GRIP2: variants seen among roughly 807,000 people sequenced by gnomAD.
GRIP2 encodes the protein glutamate receptor-interacting protein 2.
In GRIP2, 58 loss-of-function variants were observed where a neutral mutation model predicts 108.3. The observed-to-expected ratio is 0.54, with a 90% confidence interval of 0.43 to 0.67. The LOEUF (loss-of-function observed/expected upper bound fraction) is 0.67. Among genes scored for constraint, GRIP2 ranks in the 30% least tolerant of loss-of-function variants. The pLI is 0.00. For synonymous variants in GRIP2, 586 were observed against 598.2 expected, an observed-to-expected ratio of 0.98 and a Z score of 0.30; for missense variants, 1,278 against 1,430.6, an observed-to-expected ratio of 0.89 and a Z score of 1.72.
chr3:14,506,713 A>C, intron 19 of GRIP2, 88 bp downstream of exon 19: 1 of 1,241,010 alleles, frequency 8.1e-7, no homozygotes, highest in Non-Finnish European at 1.1e-6. Flanking sequence ...GGAGGGAGGA[A>C]CAGGCACAAG....
At chr3:14,493,961 A>G (rs1693492235) in intron 23 of GRIP2, 135 bp from the exon 24 acceptor site, 2 of 766,904 alleles carry the variant, frequency 2.6e-6, no homozygotes, top group South Asian at 2.1e-5. Flanking sequence ...CCAGCACCAC[A>G]CACAGAGGAA....
intron 5 of GRIP2, 115 bp from the exon 6 acceptor site, chr3:14,523,190 T>C (rs1694460723): frequency 1.3e-6 from 1 of 752,688 alleles, no homozygotes; most frequent in African/African-American, 1.8e-5. Flanking sequence ...GACCTTGTCC[T>C]TGCTATCCAT....
At chr3:14,494,696 G>T in intron 23 of GRIP2, 147 bp downstream of exon 23, 1 of 922,816 alleles carries the variant, frequency 1.1e-6, no homozygotes, top group Non-Finnish European at 1.5e-6. Context: ...GGCTGAGGGT[G>T]CTGGGGCCCG....
Position 14,540,053 on chromosome 3 carries a change from C to T in GRIP2, c.40+216G>A, listed in dbSNP as rs932915396. Among the ~76,000 whole-genome samples, 11 of 152,096 alleles carry T rather than the reference C, an allele frequency of 7.2e-5. No homozygotes were observed. The highest frequency in any genetic ancestry group is 2.4e-4 in the African/African-American group (10 of 41,426). On this transcript the variant is annotated intron_variant, in intron 1 of 23. Transcript: ENST00000621039. The surrounding 1 kb of genome is among the most constrained non-coding windows in gnomAD (Gnocchi z 4.1). ...TGTTCTGCCTGCCTGTGCTGGACAG[C>T]CCTGGGGGAGGCTCAGCCATCCTGC...
chr3:14,505,039 G>A lies in GRIP2; in HGVS notation c.2573+576C>T, dbSNP rs550848897. On this transcript the variant is annotated intron_variant, in intron 20 of 23. Coordinates refer to ENST00000621039, the MANE Select transcript of GRIP2 (RefSeq NM_001080423.4). This position sits in a 1 kb window ranked among gnomAD's most constrained non-coding sequence, Gnocchi z 4.2. ...AGAAAGACAGGGAAGCTTCCCAGAGGCAGGAGAATTTGAGCTGAGTTTTGA... is the reference window on the plus strand; with the variant it reads ...AGAAAGACAGGGAAGCTTCCCAGAGACAGGAGAATTTGAGCTGAGTTTTGA... Among the ~76,000 whole-genome samples, 3 of 152,314 alleles carry A rather than the reference G, an allele frequency of 2.0e-5. 1 individual carries two copies. In the South Asian group the frequency reaches 6.2e-4, roughly 32 times the overall value.
Position 14,511,555 on chromosome 3 carries a change from G to T in GRIP2, c.1721-76C>A. The T allele has an allele frequency of 7.1e-7, 1 of 1,409,032 alleles. No homozygotes were observed. Among genetic ancestry groups the T allele is most frequent in the Non-Finnish European group, 9.9e-7 (1 of 1,007,434 alleles). The allele number at this position is 1,409,032 out of a possible 1,614,324, so 87.3% of individuals were successfully genotyped here. A position where few individuals can be genotyped will look rare whatever the true frequency, so the allele number is the denominator to read the frequency against. On this transcript the variant is annotated intron_variant, in intron 14 of 23. Coordinates refer to ENST00000621039, the MANE Select transcript of GRIP2 (RefSeq NM_001080423.4). This position sits in a 1 kb window ranked among gnomAD's most constrained non-coding sequence, Gnocchi z 4.1. ...GGGGTGGCGAAGCCCAGGGGTCTGA[G>T]TGTGGACTCGGAGCCACTGGTCCTA...
At chr3:14,493,935 G>T (rs917832700) in intron 23 of GRIP2, 109 bp from the exon 24 acceptor site, 3 of 1,166,454 alleles carry the variant, frequency 2.6e-6, no homozygotes, top group Non-Finnish European at 3.6e-6. Context: ...CAGCCTTGAC[G>T]CAAGCCCTGA....
intron 17 of GRIP2, among the ~76,000 whole-genome samples, chr3:14,508,738 C>T (rs1005820919): frequency 5.3e-5 from 8 of 152,040 alleles, no homozygotes; most frequent in South Asian, 4.1e-4. Context: ...ACACCAGATA[C>T]GGAAGGTGTA....
At chr3:14,532,252 C>G (rs1024092218) in intron 1 of GRIP2, among the ~76,000 whole-genome samples, 31 of 152,186 alleles carry the variant, frequency 2.0e-4, no homozygotes, top group African/African-American at 7.0e-4. Flanking sequence ...GCAGAGGCCA[C>G]TTTCCCCACT....
rs1694504519 is a variant in GRIP2, at chr3:14,524,622, C to T, written c.258-84G>A. The T allele has an allele frequency of 3.5e-6, 5 of 1,413,462 alleles. No individual in the cohort carries two copies. The Admixed American group carries it at 1.1e-4, about 32-fold the overall frequency. The allele number at this position is 1,413,462 out of a possible 1,614,324, so 87.6% of individuals were successfully genotyped here. On this transcript the variant is annotated intron_variant, in intron 3 of 23. Coordinates refer to ENST00000621039, the MANE Select transcript of GRIP2 (RefSeq NM_001080423.4). ...ATTCACACCCACCCTCCTCTGGAAT[C>T]CCTATGATCACTGGATCCTCATTTC...
the GRIP2 span, among the ~76,000 whole-genome samples, chr3:14,578,295 T>G: frequency 6.6e-6 from 1 of 152,182 alleles, no homozygotes; most frequent in South Asian, 2.1e-4. Flanking sequence ...AGCTAGTGAC[T>G]GTGGGCAAGA....
upstream of GRIP2, among the ~76,000 whole-genome samples, chr3:14,544,071 C>T (rs1695021491): frequency 6.6e-6 from 1 of 152,362 alleles, no homozygotes; most frequent in East Asian, 1.9e-4. Flanking sequence ...GCTAAGCACA[C>T]AGGTCAGACA....
chr3:14,549,176 A>G (rs1483453973), intron 1 of GRIP2, among the ~76,000 whole-genome samples: 1 of 152,252 alleles, frequency 6.6e-6, no homozygotes, highest in African/African-American at 2.4e-5. Flanking sequence ...ATGAATGTAC[A>G]TAATCTCTGA....
chr3:14,507,108 A>G lies in GRIP2; in HGVS notation c.2219-128T>C. On this transcript the variant is annotated intron_variant, in intron 18 of 23. Transcript: ENST00000621039. The surrounding 1 kb of genome is among the most constrained non-coding windows in gnomAD (Gnocchi z 4.6). The stretch of plus-strand genomic sequence containing the variant: ...TTCTGAGCTGACATATGACCATGGC[A>G]CACTAATAAGCAAACCTGTTTCACA... 1.1e-6 allele frequency: 1 copy of G among 895,244 alleles called. No individual in the cohort carries two copies. Among genetic ancestry groups the G allele is most frequent in the Non-Finnish European group, 1.7e-6 (1 of 590,494 alleles). The allele number at this position is 895,244 out of a possible 1,614,324, so 55.5% of individuals were successfully genotyped here.
chr3:14,603,016 G>A, the GRIP2 span, among the ~76,000 whole-genome samples: 1 of 146,246 alleles, frequency 6.8e-6, no homozygotes, highest in South Asian at 2.1e-4. Flanking sequence ...GCCCGGCCTC[G>A]CCAGCCCGGC....
rs142117424 is a variant in GRIP2, at chr3:14,533,906, C to T, written c.40+6363G>A. ...AGAGACTTGACTGCGTGCTGCAAAA[C>T]AAGTCATACTACTGTGCGCAAAGAG... On this transcript the variant is annotated intron_variant, in intron 1 of 23. Coordinates refer to ENST00000621039, the MANE Select transcript of GRIP2 (RefSeq NM_001080423.4). Among the ~76,000 whole-genome samples, 518 of 152,308 alleles carry T rather than the reference C, an allele frequency of 3.4e-3. 3 individuals carry two copies. The highest frequency in any genetic ancestry group is 0.012 in the African/African-American group (497 of 41,560).
At chr3:14,573,680 G>A in the GRIP2 span, 11 of 1,464,056 alleles carry the variant, frequency 7.5e-6, no homozygotes, top group Non-Finnish European at 1.0e-5. Flanking sequence ...TCCCGGGGTT[G>A]TTTCTGGTGC....
the GRIP2 span, among the ~76,000 whole-genome samples, chr3:14,595,027 G>T: frequency 1.3e-5 from 2 of 152,156 alleles, no homozygotes; most frequent in Non-Finnish European, 2.9e-5. Flanking sequence ...CTCCCGAGTA[G>T]CTGGGACCAC....
At chr3:14,543,678 C>G (rs945367298), upstream of GRIP2, among the ~76,000 whole-genome samples, 1 of 152,254 alleles carries the variant, frequency 6.6e-6, no homozygotes, top group Admixed American at 6.5e-5. Context: ...CCCAGGCCAC[C>G]AGGGGCTCCT....
Sources: allele counts gnomAD v4.1 joint callset (sites outside exome capture counted in the v4.1 genomes callset), GRCh38; gene constraint gnomAD v4.1.1; non-coding constraint Gnocchi (gnomAD v3.1); transcripts MANE v1.5; gene names NCBI Gene and HGNC (gene_info 2026-07-23, HGNC 2026-07-21).